SNX30: variants seen among roughly 807,000 people sequenced by gnomAD.
SNX30 encodes the protein sorting nexin-30.
SNX30 carries 24 observed loss-of-function variants against 46.4 expected under a neutral mutation model. The ratio of observed to expected loss-of-function variants is 0.52; its 90% CI spans 0.37 to 0.73. SNX30 has a LOEUF of 0.73. SNX30 is among the 30% of genes least tolerant of loss of function. The pLI, the probability that SNX30 is intolerant of heterozygous loss-of-function variation, is 0.00. For synonymous variants in SNX30, 189 were observed against 211.5 expected, an observed-to-expected ratio of 0.89 and a Z score of 0.92; for missense variants, 533 against 555.7, an observed-to-expected ratio of 0.96 and a Z score of 0.41.
At chr9:112,776,596 T>C (rs559418214) in intron 1 of SNX30, among the ~76,000 whole-genome samples, 2 of 152,224 alleles carry the variant, frequency 1.3e-5, no homozygotes, top group Non-Finnish European at 2.9e-5. Context: ...CTGCTACCAC[T>C]GGGGTGCATA....
chr9:112,806,971 G>T (rs1840234451), intron 2 of SNX30, among the ~76,000 whole-genome samples: 1 of 149,612 alleles, frequency 6.7e-6, no homozygotes, highest in Non-Finnish European at 1.5e-5. Flanking sequence ...AATTATTTAT[G>T]CAATAATTAT....
chr9:112,847,425 T>C (rs1209470724), intron 6 of SNX30, among the ~76,000 whole-genome samples: 1 of 148,330 alleles, frequency 6.7e-6, no homozygotes, highest in Non-Finnish European at 1.5e-5. Flanking sequence ...GTTTAGTACA[T>C]ATCTCTAAAA....
chr9:112,847,144 T>C (rs1840950482), intron 6 of SNX30, among the ~76,000 whole-genome samples: 2 of 152,264 alleles, frequency 1.3e-5, no homozygotes, highest in African/African-American at 4.8e-5. Context: ...TAATTTGTTA[T>C]ATTTGGATGA....
At chr9:112,751,368 T>TG (rs1839273884) in intron 1 of SNX30, among the ~76,000 whole-genome samples, 1 of 152,140 alleles carries the variant, frequency 6.6e-6, no homozygotes, top group South Asian at 2.1e-4. Context: ...TCGCTGCCTG[T>TG]GACTGGTCGC....
intron 2 of SNX30, among the ~76,000 whole-genome samples, chr9:112,808,957 GAGAC>G (rs906989336): frequency 3.3e-5 from 5 of 152,190 alleles, no homozygotes; most frequent in African/African-American, 7.2e-5. Context: ...AGAAAATTGA[GAGAC>G]AGAGATGTTA....
intron 1 of SNX30, among the ~76,000 whole-genome samples, chr9:112,779,845 C>T (rs1839817921): frequency 6.6e-6 from 1 of 152,148 alleles, no homozygotes; most frequent in South Asian, 2.1e-4. Flanking sequence ...ACGAGAGAGG[C>T]ACTTTATCCC....
chr9:112,796,666 T>C (rs888838980), intron 1 of SNX30, among the ~76,000 whole-genome samples: 12 of 152,144 alleles, frequency 7.9e-5, no homozygotes, highest in African/African-American at 2.9e-4. Context: ...AATTACAGTT[T>C]TTTTGATATT....
At position 112,830,856 on chromosome 9, in the gene SNX30, A is replaced by G. The variant is rs781051392; in HGVS notation, c.591A>G (p.Glu197=). The G allele has an allele frequency of 3.7e-6, 6 of 1,612,754 alleles. No individual in the cohort carries two copies. The Admixed American group carries it at 6.7e-5, about 18-fold the overall frequency. ...ACCATCCTGTGCTGTCTTTCAATGA[A>G]CACTTTAATATTTTCCTTACTGCTA... ...ITDHPVLSFN[E]HFNIFLTAKD... is the part of the protein sequence containing the mutation. Residue 197 remains glutamate (E), a synonymous_variant, in exon 4 of 9, where the codon GAA becomes GAG. Coordinates refer to ENST00000374232, the MANE Select transcript of SNX30 (RefSeq NM_001012994.2).
intron 1 of SNX30, among the ~76,000 whole-genome samples, chr9:112,764,308 T>G (rs1335837586): frequency 6.6e-6 from 1 of 152,124 alleles, no homozygotes; most frequent in Non-Finnish European, 1.5e-5. Context: ...CTGGCTGTGG[T>G]CTGTAGTGGC....
intron 6 of SNX30, among the ~76,000 whole-genome samples, chr9:112,848,551 G>A (rs916202850): frequency 2.6e-4 from 39 of 152,174 alleles, no homozygotes; most frequent in African/African-American, 8.0e-4. Context: ...AACAGGGCCC[G>A]CCACCGTCCC....
rs376536768 is a variant in SNX30, at chr9:112,813,288, C to T, written c.349-4417C>T. 3.6e-4 allele frequency among the ~76,000 whole-genome samples: 55 copies of T among 151,334 alleles called. No homozygotes were observed. The South Asian group carries it at 7.1e-3, about 19-fold the overall frequency. ...GACCAGCCTGGGCAACATAGTGAGA[C>T]GCCTATCTCTACAAAAAAAACAAAC... On this transcript the variant is annotated intron_variant, in intron 2 of 8. Coordinates refer to ENST00000374232, the MANE Select transcript of SNX30 (RefSeq NM_001012994.2).
At chr9:112,849,344 T>C (rs1024168659) in intron 6 of SNX30, among the ~76,000 whole-genome samples, 1 of 152,242 alleles carries the variant, frequency 6.6e-6, no homozygotes, top group African/African-American at 2.4e-5. Flanking sequence ...TAAATTCAAA[T>C]GAGTAACATT....
intron 7 of SNX30, among the ~76,000 whole-genome samples, chr9:112,860,834 CT>C (rs2131500058): frequency 6.6e-6 from 1 of 152,282 alleles, no homozygotes; most frequent in African/African-American, 2.4e-5. Context: ...GATAGATTAT[CT>C]TTTGTGAACA....
At chr9:112,811,526 G>A (rs749577211) in intron 2 of SNX30, among the ~76,000 whole-genome samples, 5 of 152,126 alleles carry the variant, frequency 3.3e-5, no homozygotes, top group Non-Finnish European at 5.9e-5. Context: ...CTGTCATTCT[G>A]TGCTGGGTCT....
At chr9:112,815,773 C>A (rs760089427) in intron 2 of SNX30, among the ~76,000 whole-genome samples, 7 of 152,138 alleles carry the variant, frequency 4.6e-5, no homozygotes, top group African/African-American at 9.7e-5. Flanking sequence ...TTTCATTAGC[C>A]CTTAATCATT....
At chr9:112,839,754 C>T (rs554761399) in intron 6 of SNX30, among the ~76,000 whole-genome samples, 140 of 152,336 alleles carry the variant, frequency 9.2e-4, no homozygotes, top group African/African-American at 2.9e-3. Context: ...ATTAATCTGT[C>T]TTTGGGACAG....
At chr9:112,761,243 A>G (rs1564259193) in intron 1 of SNX30, among the ~76,000 whole-genome samples, 1 of 151,930 alleles carries the variant, frequency 6.6e-6, no homozygotes, top group African/African-American at 2.4e-5. Flanking sequence ...ACTCACTGCA[A>G]CCTCCGTCTC....
intron 3 of SNX30, among the ~76,000 whole-genome samples, chr9:112,820,228 C>G (rs1393094560): frequency 6.7e-6 from 1 of 148,618 alleles, no homozygotes; most frequent in Admixed American, 6.8e-5. Flanking sequence ...CAAGCAGAAA[C>G]TTAATTTTTT....
rs774925420 is a variant in SNX30 at position 112,850,957 on chromosome 9, C to T, written c.1101+12C>T. 5 of 1,611,034 alleles carry T rather than the reference C, an allele frequency of 3.1e-6. No individual in the cohort carries two copies. In the Admixed American group the frequency reaches 8.3e-5, roughly 27 times the overall value. On this transcript the variant is annotated intron_variant, in intron 7 of 8. Coordinates refer to ENST00000374232, the MANE Select transcript of SNX30 (RefSeq NM_001012994.2). ...AAGACCGCCCCAAGGTCAGGGAAGC[C>T]ACCTGGGAAGGGCTGCAAAGCTGTA...
Sources: gnomAD v4.1 joint callset for allele counts (sites outside exome capture counted in the v4.1 genomes callset) on GRCh38, gnomAD v4.1.1 for gene constraint, MANE v1.5 for transcripts, NCBI Gene and HGNC (gene_info 2026-07-23, HGNC 2026-07-21) for gene names.